Variants in EZH1 observed in about 807,000 individuals in gnomAD.
EZH1 encodes the protein histone-lysine N-methyltransferase EZH1.
Under a neutral mutation model 100.5 loss-of-function variants are expected in EZH1, and 33 were observed. The observed-to-expected ratio is 0.33, with a 90% CI of 0.25 to 0.44. The LOEUF is 0.44. Among genes scored for constraint, EZH1 ranks in the 20% least tolerant of loss-of-function variants. EZH1 has a pLI of 1.00. For synonymous variants in EZH1, 272 were observed against 313.8 expected (o/e 0.87, Z 1.41); for missense variants, 475 against 928.4 (o/e 0.51, Z 6.35).
chr17:42,741,623 A>T (rs1264380322), intron 1 of EZH1, among the ~76,000 whole-genome samples: 2 of 152,260 alleles, frequency 1.3e-5, no homozygotes, highest in Non-Finnish European at 2.9e-5. Flanking sequence ...ACTGTTGCCT[A>T]CAGAGTAATG....
chr17:42,738,524 T>G (rs1050391366), intron 1 of EZH1, among the ~76,000 whole-genome samples: 33 of 125,804 alleles, frequency 2.6e-4, no homozygotes, highest in Non-Finnish European at 5.0e-4. Flanking sequence ...CCCAGTCTAT[T>G]TTTTTTATTT....
At position 42,719,792 on chromosome 17, in the gene EZH1, A is replaced by G. The variant is rs1395299742; in HGVS notation, c.664+481T>C. Among the ~76,000 whole-genome samples the G allele has an allele frequency of 2.0e-5, 3 of 152,232 alleles. No homozygotes were observed. In the South Asian group the frequency reaches 6.2e-4, roughly 32 times the overall value. ...TAAAAATAAGAATTTGGAGGTGAAA[A>G]GAGTGTTCATAGAGAGGCCTGAACA... is the stretch of plus-strand genomic sequence containing the variant. On this transcript the variant is annotated intron_variant, in intron 7 of 20. Coordinates refer to ENST00000428826, the MANE Select transcript of EZH1 (RefSeq NM_001991.5).
intron 6 of EZH1, among the ~76,000 whole-genome samples, chr17:42,721,679 T>TAA (rs879496533): frequency 1.5e-5 from 2 of 134,248 alleles, no homozygotes; most frequent in African/African-American, 5.5e-5. Flanking sequence ...ACTAGGGTAA[T>TAA]AAAAAAAAAA....
chr17:42,711,886 A>G (rs950440366), intron 12 of EZH1, among the ~76,000 whole-genome samples: 1 of 89,694 alleles, frequency 1.1e-5, no homozygotes, highest in Non-Finnish European at 2.1e-5. Context: ...GGAGTGGTGG[A>G]GGGAGCAGCA....
intron 2 of EZH1, chr17:42,729,203 T>C (rs2143836021): frequency 3.2e-6 from 1 of 316,254 alleles, no homozygotes; most frequent in South Asian, 3.6e-5. Flanking sequence ...GCCCAGTGAT[T>C]TGAGACAACC....
chr17:42,722,635 A>G (rs938987232), intron 6 of EZH1, among the ~76,000 whole-genome samples, 160 bp downstream of exon 6: 8 of 152,024 alleles, frequency 5.3e-5, no homozygotes, highest in African/African-American at 1.9e-4. Flanking sequence ...CAAAAAAAAA[A>G]AAAAAAAAAA....
chr17:42,731,117 A>T (rs879614290), intron 1 of EZH1, among the ~76,000 whole-genome samples, 199 bp from the exon 2 acceptor site: 5 of 151,514 alleles, frequency 3.3e-5, no homozygotes, highest in Admixed American at 3.3e-4. Context: ...CTATTTTTTC[A>T]TAATGCTTTT....
chr17:42,714,935 TAAA>T, intron 10 of EZH1, among the ~76,000 whole-genome samples: 1 of 138,898 alleles, frequency 7.2e-6, no homozygotes, highest in Non-Finnish European at 1.5e-5. Context: ...TATATAAATA[TAAA>T]ATATATATTT....
At chr17:42,714,785 T>A (rs2053558702) in intron 10 of EZH1, 1 of 167,336 alleles carries the variant, frequency 6.0e-6, no homozygotes, top group Non-Finnish European at 1.3e-5. Context: ...TAACTGAACC[T>A]GATATTATGT....
intron 1 of EZH1, chr17:42,731,861 T>C: frequency 6.6e-6 from 1 of 152,530 alleles, no homozygotes; most frequent in Non-Finnish European, 1.5e-5. Context: ...GATCACGCCA[T>C]TGTACTGCGG....
chr17:42,723,034 C>T, intron 5 of EZH1, 119 bp from the exon 6 acceptor site: 2 of 1,385,410 alleles, frequency 1.4e-6, no homozygotes, highest in Non-Finnish European at 1.9e-6. Context: ...ATGCCTTTGT[C>T]CCAGAGTTTC....
rs2053352746 is a variant in EZH1, at chr17:42,706,311, GCTCC to G, written c.1661-130_1661-127del. The G allele has an allele frequency of 2.6e-6, 2 of 771,934 alleles. No individual in the cohort carries two copies. Among genetic ancestry groups the G allele is most frequent in the Admixed American group, 6.6e-5 (2 of 30,076 alleles). 47.8% of individuals were successfully genotyped at this position (771,934 alleles called of 1,614,324 possible). ...AGGATGTTTGGCAAAATAAGAGGAA[GCTCC>G]CTTCCCAATAATCAAATACACAAGT... On this transcript the variant is annotated intron_variant, in intron 15 of 20. Transcript: ENST00000428826. This position sits in a 1 kb window ranked among gnomAD's most constrained non-coding sequence, Gnocchi z 4.4.
chr17:42,739,361 T>C (rs1391028456), intron 1 of EZH1, among the ~76,000 whole-genome samples: 2 of 152,220 alleles, frequency 1.3e-5, no homozygotes, highest in Non-Finnish European at 2.9e-5. Context: ...AGAACCTTCC[T>C]AACAGGAACC....
chr17:42,722,669 C>A, intron 6 of EZH1, 126 bp downstream of exon 6: 7 of 772,896 alleles, frequency 9.1e-6, no homozygotes, highest in Non-Finnish European at 1.2e-5. Flanking sequence ...CATGTGATGA[C>A]ATTGAAATAT....
intron 1 of EZH1, among the ~76,000 whole-genome samples, chr17:42,742,979 C>T (rs1052632839): frequency 6.6e-6 from 1 of 150,758 alleles, no homozygotes; most frequent in African/African-American, 2.4e-5. Context: ...AAGCGATTCT[C>T]GTGCCTCAAC....
At chr17:42,734,492 TC>T (rs1207282033) in intron 1 of EZH1, among the ~76,000 whole-genome samples, 1 of 151,518 alleles carries the variant, frequency 6.6e-6, no homozygotes, top group African/African-American at 2.4e-5. Context: ...CAAAACCCAG[TC>T]TCTACAAAAA....
chr17:42,718,181 C>T lies in EZH1; in HGVS notation c.932-114G>A, dbSNP rs1205210173. On this transcript the variant is annotated intron_variant, in intron 9 of 20. Coordinates refer to ENST00000428826, the MANE Select transcript of EZH1 (RefSeq NM_001991.5). This position sits in a 1 kb window ranked among gnomAD's most constrained non-coding sequence, Gnocchi z 4.2. The stretch of plus-strand genomic sequence containing the variant: ...AGTTAGAATTCGATATAAACGGCTA[C>T]CATCAGGGTGCACAAAATTCAGTCA... 2 of 993,662 alleles carry T rather than the reference C, an allele frequency of 2.0e-6. No homozygotes were observed. Among genetic ancestry groups the T allele is most frequent in the Non-Finnish European group, 3.0e-6 (2 of 664,050 alleles). 61.6% of individuals were successfully genotyped at this position (993,662 alleles called of 1,614,324 possible). A position where few individuals can be genotyped will look rare whatever the true frequency, so the allele number is the denominator to read the frequency against.
chr17:42,713,037 C>CAAAAAAAA (rs10664421), intron 11 of EZH1, among the ~76,000 whole-genome samples, 172 bp downstream of exon 11: 1 of 83,998 alleles, frequency 1.2e-5, no homozygotes, highest in African/African-American at 4.9e-5. Context: ...GAGACTGTTT[C>CAAAAAAAA]AAAAAAAAAA....
intron 4 of EZH1, among the ~76,000 whole-genome samples, chr17:42,726,190 T>G (rs2143822007): frequency 6.7e-6 from 1 of 150,324 alleles, no homozygotes; most frequent in South Asian, 2.1e-4. Context: ...CTGCTTTTTT[T>G]TTTTTTTTTT....
Sources: gnomAD v4.1 joint callset for allele counts (sites outside exome capture counted in the v4.1 genomes callset) on GRCh38, gnomAD v4.1.1 for gene constraint, Gnocchi (gnomAD v3.1) non-coding constraint, MANE v1.5 for transcripts, NCBI Gene and HGNC (gene_info 2026-07-23, HGNC 2026-07-21) for gene names.